The following CACNA2D3 variants were observed in gnomAD, a reference collection of about 807,000 sequenced individuals.
CACNA2D3 encodes the protein calcium voltage-gated channel auxiliary subunit alpha2delta 3.
A neutral mutation model predicts 160.6 loss-of-function variants in CACNA2D3; 60 were observed. The ratio of observed to expected loss-of-function variants is 0.37; its 90% CI spans 0.30 to 0.46. CACNA2D3 has a LOEUF of 0.46. CACNA2D3 is among the 20% of genes least tolerant of loss of function. CACNA2D3 has a pLI of 1.00. For missense variants in CACNA2D3, 1,205 were observed against 1,365.0 expected (o/e 0.88, Z 1.85); for synonymous variants, 558 against 492.9 (o/e 1.13, Z -1.75).
Position 54,822,778 on chromosome 3 carries a change from CTTT to C in CACNA2D3, c.1398+5909_1398+5911del, listed in dbSNP as rs1387111664. Among the ~76,000 whole-genome samples the C allele has an allele frequency of 2.7e-3, 218 of 81,236 alleles. 1 individual carries two copies. Among genetic ancestry groups the C allele is most frequent in the South Asian group, 8.3e-3 (19 of 2,300 alleles). The allele number at this position is 81,236 out of a possible 152,430, so 53.3% of individuals were successfully genotyped here. Reference sequence around the variant, plus strand: ...TCTTTCTTTCTTTCTTTCTTTCTTTCTTTCTTTCTTTCCTTTCTTTCTTTCTTT... The same window carrying C: ...TCTTTCTTTCTTTCTTTCTTTCTTTCCTTTCTTTCCTTTCTTTCTTTCTTT... On this transcript the variant is annotated intron_variant, in intron 14 of 37. Transcript: ENST00000474759.
rs545054395 is a variant in CACNA2D3 at position 54,848,634 on chromosome 3, G to A, written c.1626+2167G>A. ...ACATGAATTAACCCATCTGAATGTG[G>A]TCAATAAGTGTATGTTGACTCTGAC... is the stretch of plus-strand genomic sequence containing the variant. On this transcript the variant is annotated intron_variant, in intron 17 of 37. Transcript: ENST00000474759. 4.6e-5 allele frequency among the ~76,000 whole-genome samples: 7 copies of A among 152,304 alleles called. No homozygotes were observed. The East Asian group carries it at 1.4e-3, about 29-fold the overall frequency.
Position 54,766,883 on chromosome 3 carries a change from T to G in CACNA2D3, c.1380+2532T>G, listed in dbSNP as rs78760435. ...GAATTATATATAGCATACTACCTTT[T>G]ATATAGGAAATGAGGAAAAAAGAAG... is the stretch of plus-strand genomic sequence containing the variant. On this transcript the variant is annotated intron_variant, in intron 13 of 37. Coordinates refer to ENST00000474759, the MANE Select transcript of CACNA2D3 (RefSeq NM_018398.3). Among the ~76,000 whole-genome samples, 1,341 of 150,536 alleles carry G rather than the reference T, an allele frequency of 8.9e-3. 19 individuals are homozygous for G. Among genetic ancestry groups the G allele is most frequent in the African/African-American group, 0.031 (1,253 of 41,080 alleles).
At chr3:54,202,380 T>G (rs1197086135) in intron 2 of CACNA2D3, among the ~76,000 whole-genome samples, 1 of 152,230 alleles carries the variant, frequency 6.6e-6, no homozygotes, top group African/African-American at 2.4e-5. Flanking sequence ...CTGCAGGCAG[T>G]TAGACTGGAA....
At chr3:55,004,180 A>G (rs986977833) in intron 31 of CACNA2D3, among the ~76,000 whole-genome samples, 1 of 152,234 alleles carries the variant, frequency 6.6e-6, no homozygotes, top group Admixed American at 6.5e-5. Flanking sequence ...TTCATAAGCT[A>G]TGCTGTTTTC....
At chr3:54,764,912 T>C (rs903134887) in intron 13 of CACNA2D3, among the ~76,000 whole-genome samples, 1 of 152,226 alleles carries the variant, frequency 6.6e-6, no homozygotes, top group Non-Finnish European at 1.5e-5. Context: ...CAGCAGATTC[T>C]GATGCTGAAT....
chr3:54,582,792 C>T (rs909974202), intron 9 of CACNA2D3, among the ~76,000 whole-genome samples: 1 of 152,184 alleles, frequency 6.6e-6, no homozygotes, highest in Non-Finnish European at 1.5e-5. Context: ...TTGGTGCTAT[C>T]TTAGATGCAG....
intron 35 of CACNA2D3, among the ~76,000 whole-genome samples, chr3:55,065,719 G>GAAGGGAAGGAAAGGAAGGA (rs1392096763): frequency 6.6e-6 from 1 of 150,666 alleles, no homozygotes; most frequent in Non-Finnish European, 1.5e-5. Flanking sequence ...GAGGTGGGGG[G>GAAGGGAAGGAAAGGAAGGA]AAGGGAAGGA....
At chr3:54,174,156 AT>A (rs1052209649) in intron 2 of CACNA2D3, among the ~76,000 whole-genome samples, 1 of 152,230 alleles carries the variant, frequency 6.6e-6, no homozygotes, top group African/African-American at 2.4e-5. Context: ...GTACAATTTC[AT>A]GTACAAAAAC....
intron 13 of CACNA2D3, among the ~76,000 whole-genome samples, chr3:54,770,439 G>T (rs1258707187): frequency 6.6e-6 from 1 of 152,214 alleles, no homozygotes; most frequent in Non-Finnish European, 1.5e-5. Context: ...TCCAAGAACA[G>T]TTTTTATATT....
At chr3:54,245,306 T>TGG (rs1012548906) in intron 2 of CACNA2D3, among the ~76,000 whole-genome samples, 1 of 151,320 alleles carries the variant, frequency 6.6e-6, no homozygotes, top group Non-Finnish European at 1.5e-5. Context: ...TGCATGTGTA[T>TGG]GGGTGTGTGT....
At chr3:54,633,986 G>A (rs968973447) in intron 10 of CACNA2D3, among the ~76,000 whole-genome samples, 1 of 152,090 alleles carries the variant, frequency 6.6e-6, no homozygotes, top group Non-Finnish European at 1.5e-5. Flanking sequence ...GTCTCAGTAT[G>A]GCCATAAGGC....
chr3:55,015,766 G>A (rs536010602), intron 34 of CACNA2D3, among the ~76,000 whole-genome samples: 92 of 152,264 alleles, frequency 6.0e-4, no homozygotes, highest in African/African-American at 2.0e-3. Context: ...AAAAGGAGAG[G>A]AGAGCAAATG....
chr3:54,342,857 G>C (rs569859811), intron 3 of CACNA2D3, among the ~76,000 whole-genome samples: 1 of 152,188 alleles, frequency 6.6e-6, no homozygotes, highest in Non-Finnish European at 1.5e-5. Flanking sequence ...CATAGCTCTC[G>C]GGCTGTGCGG....
intron 2 of CACNA2D3, among the ~76,000 whole-genome samples, chr3:54,218,317 G>T (rs1340859102): frequency 2.0e-5 from 3 of 152,224 alleles, no homozygotes; most frequent in Non-Finnish European, 2.9e-5. Context: ...GCATGGGGCA[G>T]CTGCATCCGT....
rs777562854 is a variant in CACNA2D3, at chr3:54,896,744, T to A, written c.2247-5T>A. The A allele has an allele frequency of 6.2e-7, 1 of 1,613,994 alleles. No individual in the cohort carries two copies. The highest frequency in any genetic ancestry group is 8.5e-7 in the Non-Finnish European group (1 of 1,179,876). On this transcript the variant is annotated splice_region_variant and splice_polypyrimidine_tract_variant and intron_variant, in intron 25 of 37. Transcript: ENST00000474759. Reference sequence around the variant, plus strand: ...CATGTTCTTCTGATTCTTTTCCACTTCAAGGGACTTCCTGAAAGCTGGCGA... The same window carrying A: ...CATGTTCTTCTGATTCTTTTCCACTACAAGGGACTTCCTGAAAGCTGGCGA...
intron 2 of CACNA2D3, among the ~76,000 whole-genome samples, chr3:54,280,506 G>C (rs995594802): frequency 4.6e-5 from 7 of 151,912 alleles, no homozygotes; most frequent in African/African-American, 1.5e-4. Context: ...TGTAGTGTAG[G>C]GGGGACAGAA....
At chr3:54,362,709 C>G (rs1048164589) in intron 3 of CACNA2D3, among the ~76,000 whole-genome samples, 1 of 152,176 alleles carries the variant, frequency 6.6e-6, no homozygotes, top group Non-Finnish European at 1.5e-5. Flanking sequence ...GCATGGTGCA[C>G]TCCCATTTTA....
intron 4 of CACNA2D3, among the ~76,000 whole-genome samples, chr3:54,430,811 T>G (rs1366909285): frequency 6.6e-6 from 1 of 152,188 alleles, no homozygotes; most frequent in African/African-American, 2.4e-5. Context: ...GTGCAATAAC[T>G]GATAACAGTT....
At chr3:54,494,999 A>G (rs1415879270) in intron 4 of CACNA2D3, among the ~76,000 whole-genome samples, 2 of 152,204 alleles carry the variant, frequency 1.3e-5, no homozygotes, top group East Asian at 3.9e-4. Context: ...TTGGATTACA[A>G]TTCAAGATGA....
Sources: gnomAD v4.1 joint callset for allele counts (sites outside exome capture counted in the v4.1 genomes callset) on GRCh38, gnomAD v4.1.1 for gene constraint, MANE v1.5 for transcripts, NCBI Gene and HGNC (gene_info 2026-07-23, HGNC 2026-07-21) for gene names.